The following SYTL4 variants were observed in gnomAD, a reference collection of about 807,000 sequenced individuals.
SYTL4 encodes synaptotagmin-like protein 4.
In SYTL4, 16 loss-of-function variants were observed where a neutral mutation model predicts 52.7. That is an observed-to-expected ratio of 0.30 (90% confidence interval 0.21 to 0.46). The LOEUF is 0.46. SYTL4 is among the 20% of genes least tolerant of loss of function. The pLI is 1.00. For missense variants in SYTL4, 423 were observed against 519.9 expected (o/e 0.81, Z 1.81); for synonymous variants, 160 against 186.6 (o/e 0.86, Z 1.16).
intron 2 of SYTL4, among the ~76,000 whole-genome samples, chrX:100,707,027 T>C (rs752586124): frequency 9.0e-6 from 1 of 111,476 alleles, no homozygotes; most frequent in East Asian, 2.8e-4. Flanking sequence ...TACTTCTTTG[T>C]TGTTGCAATT....
intron 2 of SYTL4, among the ~76,000 whole-genome samples, chrX:100,711,890 G>A (rs1180180836): frequency 1.8e-5 from 2 of 109,908 alleles, no homozygotes; most frequent in Non-Finnish European, 3.8e-5. Context: ...GGGGTCTTGG[G>A]GAAGGACACA....
intron 2 of SYTL4, among the ~76,000 whole-genome samples, chrX:100,731,133 C>T (rs942177094): frequency 2.7e-5 from 3 of 111,616 alleles, no homozygotes; most frequent in African/African-American, 9.8e-5. Context: ...TTCAAGCCAC[C>T]AGAATTCTAA....
chrX:100,679,398 C>G lies in SYTL4; in HGVS notation c.1573G>C (p.Gly525Arg). Residue 525 changes from glycine to arginine, a missense_variant, in exon 18 of 20, where the codon GGG becomes CGG. Transcript: ENST00000372989. ...TTGATCCACACCTGGAGCTCTCCCC[C>G]TTCCCCACCTTTACCTGTAAGGGAT... ...GDRKKSKGGE[G>R]GELQVWIKEA... The G allele has an allele frequency of 8.3e-7, 1 of 1,207,711 alleles. No individual in the cohort carries two copies. The highest frequency in any genetic ancestry group is 1.1e-6 in the Non-Finnish European group (1 of 891,955).
In SYTL4 at chrX:100,688,373, C is replaced by T. The variant is rs1247094264; in HGVS notation, c.983G>A (p.Ser328Asn). 4.1e-6 allele frequency: 5 copies of T among 1,210,254 alleles called. No homozygotes were observed. Among genetic ancestry groups the T allele is most frequent in the Non-Finnish European group, 5.6e-6 (5 of 894,327 alleles). ...TACCATGGAGGAGCCACTTTGCATG[C>T]TGCTTCTGGCTAGCTTCTGGCGATG... ...KLHRQKLARS[S>N]MQSGSSMSTI... Residue 328 changes from serine to asparagine, a missense_variant, in exon 13 of 20, where the codon AGC (serine) becomes AAC (asparagine). Ser to Asn is a conservative substitution (Grantham distance 46). Transcript: ENST00000372989.
intron 2 of SYTL4, among the ~76,000 whole-genome samples, chrX:100,724,068 G>A (rs1482500652): frequency 5.6e-3 from 531 of 95,309 alleles, no homozygotes; most frequent in African/African-American, 0.022. Flanking sequence ...GGTGAGGGGC[G>A]CCTCTGCCCG....
chrX:100,681,981 T>C (rs1479552440), intron 16 of SYTL4, among the ~76,000 whole-genome samples: 11 of 112,412 alleles, frequency 9.8e-5, no homozygotes, highest in African/African-American at 3.6e-4. Context: ...CCTTACTATG[T>C]ACTAGGCACT....
chrX:100,681,811 G>T (rs2083379945), intron 16 of SYTL4, among the ~76,000 whole-genome samples: 1 of 112,399 alleles, frequency 8.9e-6, no homozygotes, highest in African/African-American at 3.2e-5. Flanking sequence ...AGAATTCAGT[G>T]AATCTGTACA....
chrX:100,686,233 T>C, intron 15 of SYTL4, 82 bp from the exon 16 acceptor site: 1 of 981,365 alleles, frequency 1.0e-6, no homozygotes, highest in South Asian at 2.8e-5. Flanking sequence ...TGAGCAACCA[T>C]TCCTGAAGTC....
At chrX:100,690,041 C>T (rs2083562914) in intron 11 of SYTL4, 34 bp downstream of exon 11, 1 of 1,164,908 alleles carries the variant, frequency 8.6e-7, no homozygotes, top group Admixed American at 2.2e-5. Flanking sequence ...CTCAGAACTT[C>T]AGTCCTGAAA....
chrX:100,721,907 T>G (rs2084348154), intron 2 of SYTL4, among the ~76,000 whole-genome samples: 1 of 110,740 alleles, frequency 9.0e-6, no homozygotes, highest in Non-Finnish European at 1.9e-5. Flanking sequence ...ATTCAAGCGA[T>G]TCTCCTGCCT....
At chrX:100,699,598 C>T (rs1336773004) in intron 8 of SYTL4, among the ~76,000 whole-genome samples, 1 of 96,578 alleles carries the variant, frequency 1.0e-5, no homozygotes, top group African/African-American at 3.9e-5. Flanking sequence ...AAGTGATTCC[C>T]CTGCCTCAGC....
intron 8 of SYTL4, among the ~76,000 whole-genome samples, chrX:100,692,937 ATTTTTT>A (rs1602794758): frequency 9.0e-6 from 1 of 111,376 alleles, no homozygotes; most frequent in Non-Finnish European, 1.9e-5. Flanking sequence ...ATTTATTTTT[ATTTTTT>A]ATGTTTTTTG....
At chrX:100,717,483 T>C (rs1388572584) in intron 2 of SYTL4, among the ~76,000 whole-genome samples, 1 of 113,057 alleles carries the variant, frequency 8.8e-6, no homozygotes, top group Admixed American at 9.3e-5. Flanking sequence ...AGCAACGTGG[T>C]ATGAGCAAGT....
chrX:100,702,256 A>G, intron 4 of SYTL4, 149 bp from the exon 5 acceptor site: 1 of 318,959 alleles, frequency 3.1e-6, no homozygotes, highest in East Asian at 5.3e-5. Context: ...TCCTACTCCC[A>G]TCCGAAACAT....
At chrX:100,690,974 T>C in intron 9 of SYTL4, 134 bp downstream of exon 9, 1 of 491,985 alleles carries the variant, frequency 2.0e-6, no homozygotes, top group Admixed American at 3.5e-5. Context: ...GACGTGCTAC[T>C]GAAAAGACTT....
intron 16 of SYTL4, among the ~76,000 whole-genome samples, chrX:100,682,220 G>A (rs1291452234): frequency 9.0e-6 from 1 of 111,497 alleles, no homozygotes; most frequent in African/African-American, 3.3e-5. Flanking sequence ...CCCAGGATAC[G>A]AACAAACTTA....
intron 2 of SYTL4, among the ~76,000 whole-genome samples, chrX:100,725,647 C>T (rs1318428006): frequency 8.9e-6 from 1 of 111,984 alleles, no homozygotes; most frequent in East Asian, 2.8e-4. Context: ...TTAATATACA[C>T]TTCCCCTGCC....
intron 5 of SYTL4, 62 bp from the exon 6 acceptor site, chrX:100,701,735 G>A (rs745934980): frequency 6.1e-5 from 65 of 1,068,496 alleles, no homozygotes; most frequent in Non-Finnish European, 8.0e-5. Flanking sequence ...GGATGGAGAG[G>A]GGTTGAGAGG....
Position 100,689,209 on chromosome X carries a change from CA to C in SYTL4, c.912+646del, listed in dbSNP as rs768851126. On this transcript the variant is annotated intron_variant, in intron 12 of 19. Coordinates refer to ENST00000372989, the MANE Select transcript of SYTL4 (RefSeq NM_001370165.1). ...GAAATACAGTGAGACTCCCATCTCT[CA>C]AAAAAAAAAAAAAAATTAGCTGGGT... 4.8e-3 allele frequency among the ~76,000 whole-genome samples: 380 copies of C among 79,639 alleles called. 1 individual carries two copies. The highest frequency in any genetic ancestry group is 6.3e-3 in the Admixed American group (44 of 6,943). 69.2% of individuals were successfully genotyped at this position (79,639 alleles called of 115,157 possible). A position where few individuals can be genotyped will look rare whatever the true frequency, so the allele number is the denominator to read the frequency against.
Sources: gnomAD v4.1 joint callset for allele counts (sites outside exome capture counted in the v4.1 genomes callset) on GRCh38, gnomAD v4.1.1 for gene constraint, MANE v1.5 for transcripts, NCBI Gene and HGNC (gene_info 2026-07-23, HGNC 2026-07-21) for gene names.